Variants in RIT2 observed in about 807,000 individuals in gnomAD.
RIT2 encodes GTP-binding protein Rit2.
RIT2 carries 24 observed loss-of-function variants against 23.7 expected under a neutral mutation model. That is an observed-to-expected ratio of 1.01 (90% CI 0.73 to 1.43). The LOEUF is 1.43. Among genes scored for constraint, RIT2 ranks in the 40% most tolerant of loss-of-function variants. RIT2 has a pLI of 0.00. For synonymous variants in RIT2, 107 were observed against 91.1 expected (o/e 1.17, Z -0.99); for missense variants, 236 against 266.9 (o/e 0.88, Z 0.81).
chr18:42,872,369 C>T (rs1195477014), intron 4 of RIT2, among the ~76,000 whole-genome samples: 1 of 152,166 alleles, frequency 6.6e-6, no homozygotes, highest in Non-Finnish European at 1.5e-5. Flanking sequence ...TAGACCTGTG[C>T]AGATTCAGAC....
intron 4 of RIT2, among the ~76,000 whole-genome samples, chr18:42,896,664 T>G (rs1008612568): frequency 6.6e-6 from 1 of 152,202 alleles, no homozygotes; most frequent in African/African-American, 2.4e-5. Context: ...ACATATTAAT[T>G]TTTAATCTAT....
At chr18:42,943,225 A>G (rs1909647086) in intron 3 of RIT2, among the ~76,000 whole-genome samples, 1 of 151,926 alleles carries the variant, frequency 6.6e-6, no homozygotes, top group African/African-American at 2.4e-5. Context: ...GCGATTGGCT[A>G]TTTTTAGGAT....
intron 4 of RIT2, among the ~76,000 whole-genome samples, chr18:42,758,374 A>G (rs1305759585): frequency 1.3e-5 from 2 of 152,184 alleles, no homozygotes; most frequent in Admixed American, 1.3e-4. Context: ...GTCAAATCCA[A>G]TAGATGTTTC....
intron 4 of RIT2, among the ~76,000 whole-genome samples, chr18:42,910,614 G>A (rs747020294): frequency 1.1e-4 from 16 of 152,118 alleles, no homozygotes; most frequent in Non-Finnish European, 1.5e-5. Context: ...CTGCAGAGTG[G>A]TGAGGTAGAG....
intron 4 of RIT2, among the ~76,000 whole-genome samples, chr18:42,828,393 C>T (rs954649513): frequency 2.9e-4 from 44 of 152,210 alleles, no homozygotes; most frequent in Admixed American, 2.8e-3. Context: ...AAAACATCCA[C>T]TTAGGTGACT....
intron 2 of RIT2, among the ~76,000 whole-genome samples, chr18:43,002,434 C>T (rs1911127526): frequency 6.6e-6 from 1 of 151,898 alleles, no homozygotes; most frequent in Admixed American, 6.6e-5. Flanking sequence ...TACTTTGCAT[C>T]CTTCAATCCA....
chr18:42,852,336 G>T (rs571307048), intron 4 of RIT2, among the ~76,000 whole-genome samples: 28 of 152,244 alleles, frequency 1.8e-4, no homozygotes, highest in African/African-American at 6.7e-4. Context: ...AAGGTAGTAA[G>T]AAAGACAATA....
chr18:43,046,375 T>C (rs752921391), intron 1 of RIT2, among the ~76,000 whole-genome samples: 3 of 152,238 alleles, frequency 2.0e-5, no homozygotes, highest in Non-Finnish European at 4.4e-5. Context: ...TCCACTAGGC[T>C]GGATTTGTTA....
rs1390796132 is a variant in RIT2, at chr18:42,758,860, A to G, written c.427-15140T>C. Among the ~76,000 whole-genome samples, 3 of 151,646 alleles carry G rather than the reference A, an allele frequency of 2.0e-5. No individual in the cohort carries two copies. The East Asian group carries it at 5.8e-4, about 30-fold the overall frequency. ...TTCTGTCTGAATATTCTGATGTTTGACTCTTTACTCAGGCTTTTCACAATT... is the reference window on the plus strand; with the variant it reads ...TTCTGTCTGAATATTCTGATGTTTGGCTCTTTACTCAGGCTTTTCACAATT... On this transcript the variant is annotated intron_variant, in intron 4 of 4. Coordinates refer to ENST00000326695, the MANE Select transcript of RIT2 (RefSeq NM_002930.4).
intron 1 of RIT2, among the ~76,000 whole-genome samples, chr18:43,056,646 A>C (rs1912509264): frequency 6.6e-6 from 1 of 152,120 alleles, no homozygotes; most frequent in African/African-American, 2.4e-5. Context: ...TAAATCATAA[A>C]GGTCGTAAAG....
chr18:43,036,004 C>T (rs1382161019), intron 1 of RIT2, among the ~76,000 whole-genome samples: 4 of 152,106 alleles, frequency 2.6e-5, no homozygotes, highest in Non-Finnish European at 5.9e-5. Context: ...TATCAGGTAG[C>T]AGTACACGAT....
intron 2 of RIT2, among the ~76,000 whole-genome samples, chr18:42,975,450 T>C (rs1362387371): frequency 6.6e-6 from 1 of 152,028 alleles, no homozygotes; most frequent in Admixed American, 6.6e-5. Flanking sequence ...ATTTTGCATA[T>C]GGATGAACAA....
At chr18:42,859,342 A>G (rs1907266630) in intron 4 of RIT2, among the ~76,000 whole-genome samples, 1 of 152,240 alleles carries the variant, frequency 6.6e-6, no homozygotes, top group African/African-American at 2.4e-5. Context: ...GACCATTTAA[A>G]AAAATCATCC....
intron 4 of RIT2, among the ~76,000 whole-genome samples, chr18:42,905,363 C>T (rs773119956): frequency 6.6e-6 from 1 of 152,082 alleles, no homozygotes; most frequent in Non-Finnish European, 1.5e-5. Flanking sequence ...ACCTGTAAAA[C>T]TTGCTGTATA....
At chr18:42,784,698 T>C (rs1012314513) in intron 4 of RIT2, among the ~76,000 whole-genome samples, 2 of 152,102 alleles carry the variant, frequency 1.3e-5, no homozygotes, top group African/African-American at 2.4e-5. Context: ...GCCTTCCATA[T>C]TCAGTCAAAT....
At chr18:42,881,996 T>C (rs575731390) in intron 4 of RIT2, among the ~76,000 whole-genome samples, 2 of 152,358 alleles carry the variant, frequency 1.3e-5, no homozygotes, top group African/African-American at 4.8e-5. Flanking sequence ...ACAAATCTTA[T>C]TCTTGCTTTT....
chr18:42,825,206 G>A (rs559339437), intron 4 of RIT2, among the ~76,000 whole-genome samples: 14 of 151,772 alleles, frequency 9.2e-5, no homozygotes, highest in Non-Finnish European at 2.1e-4. Context: ...ATAAATATTA[G>A]TATAAGTATA....
At chr18:43,103,740 A>G (rs1260504140) in intron 1 of RIT2, among the ~76,000 whole-genome samples, 5 of 152,210 alleles carry the variant, frequency 3.3e-5, no homozygotes, top group Non-Finnish European at 7.3e-5. Flanking sequence ...GGTAGATGAC[A>G]GTGATGGAAG....
intron 4 of RIT2, among the ~76,000 whole-genome samples, chr18:42,902,423 A>T (rs1908500165): frequency 6.6e-6 from 1 of 151,824 alleles, no homozygotes; most frequent in South Asian, 2.1e-4. Context: ...TGAAAGTCCC[A>T]TAGGGAGCTT....
Sources: allele counts gnomAD v4.1 joint callset (sites outside exome capture counted in the v4.1 genomes callset), GRCh38; gene constraint gnomAD v4.1.1; transcripts MANE v1.5; gene names NCBI Gene and HGNC (gene_info 2026-07-23, HGNC 2026-07-21).